The following NPAS4 variants were observed in gnomAD, a reference collection of about 807,000 sequenced individuals.
NPAS4 encodes the protein neuronal PAS domain-containing protein 4.
A neutral mutation model predicts 64.0 loss-of-function variants in NPAS4; 10 were observed. The observed-to-expected ratio is 0.16, with a 90% CI of 0.10 to 0.26. The LOEUF is 0.26. Among genes scored for constraint, NPAS4 ranks in the 10% least tolerant of loss-of-function variants. NPAS4 has a pLI of 1.00. For missense variants in NPAS4, 886 were observed against 992.6 expected, an observed-to-expected ratio of 0.89 and a Z score of 1.44; for synonymous variants, 441 against 411.7, an observed-to-expected ratio of 1.07 and a Z score of -0.86.
chr11:66,425,398 A>G, intron 7 of NPAS4, 128 bp downstream of exon 7: 2 of 524,752 alleles, frequency 3.8e-6, no homozygotes, highest in Non-Finnish European at 3.3e-6. Flanking sequence ...CCCCTGCTGA[A>G]GAGAGTAGCA....
the NPAS4 span, among the ~76,000 whole-genome samples, chr11:66,412,381 C>T: frequency 3.3e-5 from 5 of 152,236 alleles, no homozygotes; most frequent in African/African-American, 7.2e-5. Flanking sequence ...CTCCACTTCT[C>T]CAGGCTGCAG....
chr11:66,422,220 G>A lies in NPAS4; in HGVS notation c.276G>A (p.Gly92=), dbSNP rs147825645. 7.4e-6 allele frequency: 12 copies of A among 1,614,068 alleles called. No homozygotes were observed. Among genetic ancestry groups the A allele is most frequent in the South Asian group, 6.6e-5 (6 of 91,074 alleles). ...PGFLLVFTAE[G]KLLYLSESVS... is the part of the protein sequence containing the mutation. ...TTCTGCTTGTGTTCACAGCCGAGGG[G>A]AAATTGCTCTACCTGTCTGAGAGTG... Residue 92 remains glycine, a synonymous_variant, in exon 2 of 8, where the codon GGG becomes GGA. Transcript: ENST00000311034.
the NPAS4 span, among the ~76,000 whole-genome samples, chr11:66,412,521 C>T: frequency 1.3e-5 from 2 of 152,246 alleles, no homozygotes; most frequent in African/African-American, 4.8e-5. Context: ...CCCCTGCCGT[C>T]TCTGCATAGC....
chr11:66,425,337 G>A (rs939208499), intron 7 of NPAS4, 67 bp downstream of exon 7: 16 of 909,654 alleles, frequency 1.8e-5, no homozygotes, highest in Non-Finnish European at 2.3e-5. Flanking sequence ...GGTAGATTTA[G>A]GCAAATCAAT....
chr11:66,409,917 G>A, the NPAS4 span: 2 of 152,246 alleles, frequency 1.3e-5, no homozygotes, highest in African/African-American at 4.8e-5. Flanking sequence ...CGGACTCCAC[G>A]ACCAACCAAC....
At chr11:66,418,257 G>A (rs1402651203), upstream of NPAS4, among the ~76,000 whole-genome samples, 2 of 152,130 alleles carry the variant, frequency 1.3e-5, no homozygotes, top group African/African-American at 4.8e-5. Flanking sequence ...GCTGCTGCCT[G>A]CCACTTGGGG....
chr11:66,421,134 G>C lies in NPAS4; in HGVS notation c.-46G>C. 1 of 1,533,728 alleles carries C rather than the reference G, an allele frequency of 6.5e-7. No individual in the cohort carries two copies. Among genetic ancestry groups the C allele is most frequent in the Non-Finnish European group, 8.8e-7 (1 of 1,131,696 alleles). On this transcript the variant is annotated 5_prime_UTR_variant, in exon 1 of 8. Transcript: ENST00000311034. ...AAGCCGCCGGTGCGTCGGGACGGGA[G>C]CGCAGGTGCTCGGGCACCCGAGCTG...
chr11:66,425,096 C>T lies in NPAS4; in HGVS notation c.2206C>T (p.Pro736Ser), dbSNP rs1291056465. 3.1e-6 allele frequency: 5 copies of T among 1,603,288 alleles called. No homozygotes were observed. The highest frequency in any genetic ancestry group is 4.3e-6 in the Non-Finnish European group (5 of 1,175,868). The change falls in exon 7 of 8, where the codon CCA (proline) becomes TCA (serine). Residue 736 changes from proline (P) to serine (S), a missense_variant. Physicochemically the swap from Pro to Ser is moderately conservative, Grantham distance 74. Transcript: ENST00000311034. ...CTCAGGGGATCCTGAGGCAGAGGGC[C>T]CAGGAGGGGCCCCATCGCCTTGCAA... ...WGSGDPEAEG[P>S]GGAPSPCNNL...
intron 4 of NPAS4, 49 bp from the exon 5 acceptor site, chr11:66,423,074 A>C (rs773253559): frequency 6.7e-7 from 1 of 1,501,474 alleles, no homozygotes. Context: ...ATGCATGGGT[A>C]TCAAGCAAGG....
upstream of NPAS4, among the ~76,000 whole-genome samples, chr11:66,419,759 G>A (rs1007065843): frequency 6.6e-6 from 1 of 152,138 alleles, no homozygotes; most frequent in Non-Finnish European, 1.5e-5. Context: ...GATATGAAAG[G>A]ACAGAAAAAG....
the NPAS4 span, among the ~76,000 whole-genome samples, chr11:66,415,820 G>A: frequency 9.2e-5 from 14 of 152,288 alleles, no homozygotes; most frequent in African/African-American, 3.4e-4. Flanking sequence ...TCTATCAAAT[G>A]AGCATCATAA....
At position 66,424,135 on chromosome 11, in the gene NPAS4, A is replaced by G. The variant is rs768092118; in HGVS notation, c.1245A>G (p.Glu415=). 6 of 1,614,050 alleles carry G rather than the reference A, an allele frequency of 3.7e-6. No individual in the cohort carries two copies. Among genetic ancestry groups the G allele is most frequent in the East Asian group, 2.2e-5 (1 of 44,860 alleles). Residue 415 remains glutamate (E), a synonymous_variant, in exon 7 of 8, where the codon GAA becomes GAG. Coordinates refer to ENST00000311034, the MANE Select transcript of NPAS4 (RefSeq NM_178864.4). The part of the protein sequence containing the change: ...PSGPEPSLQA[E]LSKDLVCTPP... ...GGCCTGAGCCTTCTCTCCAAGCAGAACTAAGCAAGGATCTTGTGTGCACTC... is the reference window on the plus strand; with the variant it reads ...GGCCTGAGCCTTCTCTCCAAGCAGAGCTAAGCAAGGATCTTGTGTGCACTC...
chr11:66,410,302 A>T, the NPAS4 span: 2 of 152,372 alleles, frequency 1.3e-5, no homozygotes, highest in Non-Finnish European at 2.9e-5. Flanking sequence ...CACAAGCAGC[A>T]CTTGAGGGCT....
chr11:66,420,197 C>T (rs1469232207), upstream of NPAS4, among the ~76,000 whole-genome samples: 2 of 152,250 alleles, frequency 1.3e-5, no homozygotes, highest in East Asian at 1.9e-4. Flanking sequence ...GCCCCCACGT[C>T]CCTGCCTCAG....
In NPAS4 at chr11:66,425,163, C is replaced by T; in HGVS notation, c.2273C>T (p.Ala758Val). The T allele has an allele frequency of 6.2e-7, 1 of 1,600,962 alleles. No individual in the cohort carries two copies. Among genetic ancestry groups the T allele is most frequent in the Non-Finnish European group, 8.5e-7 (1 of 1,175,768 alleles). Reference sequence around the variant, plus strand: ...GACCACAGCTTCCTGGAGGACCTGGCCACATATGAAACCGCCTTTGAGACA... The same window carrying T: ...GACCACAGCTTCCTGGAGGACCTGGTCACATATGAAACCGCCTTTGAGACA... ...PEDHSFLEDL[A>V]TYETAFETGV... The change falls in exon 7 of 8, where the codon GCC becomes GTC. Residue 758 changes from alanine to valine, a missense_variant. Coordinates refer to ENST00000311034, the MANE Select transcript of NPAS4 (RefSeq NM_178864.4).
upstream of NPAS4, among the ~76,000 whole-genome samples, chr11:66,418,001 A>G (rs1423476476): frequency 1.3e-5 from 2 of 151,722 alleles, no homozygotes; most frequent in East Asian, 1.9e-4. Context: ...CACACACACA[A>G]ACACACAGAC....
At chr11:66,409,357 C>T in the NPAS4 span, 1 of 151,938 alleles carries the variant, frequency 6.6e-6, no homozygotes, top group African/African-American at 2.4e-5. Context: ...CCGCCCTGCT[C>T]CTCCAACAGG....
At chr11:66,422,616 C>G in intron 3 of NPAS4, 58 bp from the exon 4 acceptor site, 1 of 1,602,476 alleles carries the variant, frequency 6.2e-7, no homozygotes, top group South Asian at 1.1e-5. Context: ...TCCCCACCAT[C>G]CACTGTCTCT....
At chr11:66,420,419 A>G (rs1485446170), upstream of NPAS4, among the ~76,000 whole-genome samples, 1 of 152,188 alleles carries the variant, frequency 6.6e-6, no homozygotes, top group Non-Finnish European at 1.5e-5. Context: ...CCGATTTGGG[A>G]AGCGGGGGCG....
Sources: allele counts gnomAD v4.1 joint callset (sites outside exome capture counted in the v4.1 genomes callset), GRCh38; gene constraint gnomAD v4.1.1; transcripts MANE v1.5; gene names NCBI Gene and HGNC (gene_info 2026-07-23, HGNC 2026-07-21).